Variants in RAD52 observed in about 807,000 individuals in gnomAD.
RAD52 encodes the protein DNA repair protein RAD52 homolog.
RAD52 carries 47 observed loss-of-function variants against 55.5 expected under a neutral mutation model. That is an observed-to-expected ratio of 0.85 (90% confidence interval 0.67 to 1.08). The LOEUF is 1.08. Among genes scored for constraint, RAD52 ranks in the 50% least tolerant of loss-of-function variants. The pLI is 0.00. For synonymous variants in RAD52, 184 were observed against 198.9 expected (o/e 0.92, Z 0.63); for missense variants, 468 against 522.8 (o/e 0.90, Z 1.02).
At chr12:930,022 A>G in intron 4 of RAD52, 29 bp downstream of exon 4, 1 of 1,599,782 alleles carries the variant, frequency 6.3e-7, no homozygotes, top group Non-Finnish European at 8.6e-7. Context: ...GACAGTGCAG[A>G]AGTCCCCACT....
chr12:959,454 G>T (rs1439826499), intron 1 of RAD52, among the ~76,000 whole-genome samples: 1 of 152,188 alleles, frequency 6.6e-6, no homozygotes, highest in Non-Finnish European at 1.5e-5. Flanking sequence ...AAAATAGCAG[G>T]TCACAGGTTA....
intron 1 of RAD52, among the ~76,000 whole-genome samples, chr12:979,365 T>A (rs989497280): frequency 3.3e-5 from 5 of 151,470 alleles, no homozygotes; most frequent in African/African-American, 1.2e-4. Context: ...CGCTTGAACC[T>A]GGGAGGTGGA....
chr12:970,928 G>C (rs996291358), intron 1 of RAD52, among the ~76,000 whole-genome samples: 4 of 146,820 alleles, frequency 2.7e-5, no homozygotes, highest in Non-Finnish European at 6.1e-5. Flanking sequence ...GAGAGAGAGA[G>C]ACAGGAAATA....
intron 1 of RAD52, among the ~76,000 whole-genome samples, chr12:935,984 C>A (rs1204836704): frequency 6.6e-6 from 1 of 151,884 alleles, no homozygotes. Flanking sequence ...TGTGAGCCAC[C>A]ATGCCAGAAC....
chr12:965,878 G>C (rs1340345693), intron 1 of RAD52, among the ~76,000 whole-genome samples: 1 of 151,944 alleles, frequency 6.6e-6, no homozygotes, highest in East Asian at 1.9e-4. Flanking sequence ...GTAGAGACAG[G>C]GTTTCGCCTG....
In RAD52 at chr12:956,481, C is replaced by T. The variant is rs980512335; in HGVS notation, c.-18-23405G>A. On this transcript the variant is annotated intron_variant, in intron 1 of 11. Transcript: ENST00000430095. ...CTCTTATTTCTAATCCTTTTGTTAACAGTAAATATCCTTATGGATGAAAAC... is the reference window on the plus strand; with the variant it reads ...CTCTTATTTCTAATCCTTTTGTTAATAGTAAATATCCTTATGGATGAAAAC... Among the ~76,000 whole-genome samples, 7 of 152,200 alleles carry T rather than the reference C, an allele frequency of 4.6e-5. No individual in the cohort carries two copies. In the East Asian group the frequency reaches 5.8e-4, roughly 13 times the overall value.
At chr12:952,375 C>A (rs1383108183), upstream of RAD52, among the ~76,000 whole-genome samples, 1 of 152,200 alleles carries the variant, frequency 6.6e-6, no homozygotes, top group South Asian at 2.1e-4. Flanking sequence ...GCTGGGACTA[C>A]AGGTGCTCAC....
intron 5 of RAD52, among the ~76,000 whole-genome samples, chr12:928,561 G>A (rs1957164402): frequency 6.6e-6 from 1 of 151,604 alleles, no homozygotes; most frequent in Non-Finnish European, 1.5e-5. Context: ...TGGATATATG[G>A]ATATATAAAC....
intron 5 of RAD52, 72 bp downstream of exon 5, chr12:929,747 C>A: frequency 6.9e-7 from 1 of 1,449,696 alleles, no homozygotes; most frequent in Non-Finnish European, 9.7e-7. Flanking sequence ...CAGCTACCTA[C>A]TTCCCTACCT....
At chr12:986,580 GTC>G (rs1959088426) in intron 1 of RAD52, among the ~76,000 whole-genome samples, 1 of 151,976 alleles carries the variant, frequency 6.6e-6, no homozygotes, top group South Asian at 2.1e-4. Context: ...GTCTGGGGTG[GTC>G]TCTGACTCCT....
chr12:947,260 A>G (rs1394460527), intron 1 of RAD52, among the ~76,000 whole-genome samples: 2 of 152,140 alleles, frequency 1.3e-5, no homozygotes, highest in Admixed American at 6.5e-5. Context: ...CAGGAGGCAG[A>G]AGTGGCAGTG....
At position 973,231 on chromosome 12, in the gene RAD52, G is replaced by A. The variant is rs138197867; in HGVS notation, c.-19+16578C>T. Reference sequence around the variant, plus strand: ...ACTACAGGCGCCCGCCACCACACCCGGCTAAGTTTTTGTATTTTTAGTAGA... The same window carrying A: ...ACTACAGGCGCCCGCCACCACACCCAGCTAAGTTTTTGTATTTTTAGTAGA... On this transcript the variant is annotated intron_variant, in intron 1 of 11. Coordinates refer to the RAD52 transcript ENST00000430095. Among the ~76,000 whole-genome samples the A allele has an allele frequency of 1.8e-3, 272 of 150,894 alleles. 1 individual carries two copies. The highest frequency in any genetic ancestry group is 6.3e-3 in the African/African-American group (259 of 41,124).
At position 925,661 on chromosome 12, in the gene RAD52, T is replaced by C. The variant is rs889792586; in HGVS notation, c.468-136A>G. 62 of 674,550 alleles carry C rather than the reference T, an allele frequency of 9.2e-5. No individual in the cohort carries two copies. In the Admixed American group the frequency reaches 1.3e-3, roughly 15 times the overall value. 41.8% of individuals were successfully genotyped at this position (674,550 alleles called of 1,614,324 possible). A position where few individuals can be genotyped will look rare whatever the true frequency, so the allele number is the denominator to read the frequency against. The stretch of plus-strand genomic sequence containing the variant: ...AGTGGACCCTAACATGCATTCCCCA[T>C]TGATGTCTGGTAAGCATCTAGCATG... On this transcript the variant is annotated intron_variant, in intron 6 of 11. Transcript: ENST00000358495.
At chr12:944,131 G>C (rs1958065769) in intron 1 of RAD52, among the ~76,000 whole-genome samples, 1 of 152,056 alleles carries the variant, frequency 6.6e-6, no homozygotes, top group Non-Finnish European at 1.5e-5. Context: ...TGGAAGGCTT[G>C]CTTCAGCCTG....
upstream of RAD52, chr12:990,717 G>C (rs1339844339): frequency 6.6e-6 from 1 of 152,256 alleles, no homozygotes; most frequent in Non-Finnish European, 1.5e-5. Context: ...CCCCCCAGCA[G>C]CCAGGGTCGA....
chr12:931,416 G>C, intron 2 of RAD52, 95 bp from the exon 3 acceptor site: 1 of 906,708 alleles, frequency 1.1e-6, no homozygotes, highest in East Asian at 2.7e-5. Flanking sequence ...CTCTTAAAAA[G>C]ACCCCCCAGA....
chr12:916,895 G>A, intron 7 of RAD52, 75 bp from the exon 8 acceptor site: 1 of 1,534,644 alleles, frequency 6.5e-7, no homozygotes. Flanking sequence ...CTCACAGATT[G>A]CGATTCCTGG....
intron 9 of RAD52, among the ~76,000 whole-genome samples, chr12:914,961 G>A (rs796622655): frequency 1.1e-4 from 16 of 152,076 alleles, no homozygotes; most frequent in African/African-American, 3.4e-4. Flanking sequence ...AATTCGAGAC[G>A]CCACCTCTAC....
intron 10 of RAD52, 45 bp downstream of exon 10, chr12:914,386 A>C: frequency 1.2e-6 from 2 of 1,606,990 alleles, no homozygotes; most frequent in African/African-American, 2.7e-5. Context: ...TGTGGCTACT[A>C]GAAACATACA....
Sources: allele counts gnomAD v4.1 joint callset (sites outside exome capture counted in the v4.1 genomes callset), GRCh38; gene constraint gnomAD v4.1.1; transcripts MANE v1.5; gene names NCBI Gene and HGNC (gene_info 2026-07-23, HGNC 2026-07-21).